Variants in RBFOX1 observed in about 807,000 individuals in gnomAD.
The protein encoded by RBFOX1 is RNA binding fox-1 homolog 1, also known as RNA binding protein fox-1 homolog 1.
RBFOX1 carries 8 observed loss-of-function variants against 57.7 expected under a neutral mutation model. The observed-to-expected ratio is 0.14, with a 90% CI of 0.08 to 0.25. RBFOX1 has a LOEUF of 0.25. Among genes scored for constraint, RBFOX1 ranks in the 10% least tolerant of loss-of-function variants. RBFOX1 has a pLI of 1.00. For missense variants in RBFOX1, 611 were observed against 548.5 expected (o/e 1.11, Z -1.14); for synonymous variants, 326 against 222.4 (o/e 1.47, Z -4.15).
chr16:7,042,890 C>T (rs1443100317), intron 3 of RBFOX1, among the ~76,000 whole-genome samples: 1 of 152,176 alleles, frequency 6.6e-6, no homozygotes, highest in Non-Finnish European at 1.5e-5. Context: ...TGCGCCACTG[C>T]ACTCCAGCCT....
At chr16:7,379,768 TCCTGCCTTCCGTCCTGCCTGCCTGCCTC>T (rs1005117158) in intron 4 of RBFOX1, among the ~76,000 whole-genome samples, 1 of 150,570 alleles carries the variant, frequency 6.6e-6, no homozygotes, top group African/African-American at 2.4e-5. Context: ...CTGCCTGCCT[TCCTGCCTTCCGTCCTGCCTGCCTGCCTC>T]CCTGCCTGCC....
chr16:7,222,950 T>C (rs1032463488), intron 4 of RBFOX1, among the ~76,000 whole-genome samples: 1 of 152,194 alleles, frequency 6.6e-6, no homozygotes, highest in African/African-American at 2.4e-5. Context: ...TTTTTTTTCT[T>C]TGAGCGTCCC....
At chr16:5,608,156 G>A (rs1397479411) in intron 3 of RBFOX1, among the ~76,000 whole-genome samples, 1 of 152,206 alleles carries the variant, frequency 6.6e-6, no homozygotes, top group Admixed American at 6.5e-5. Context: ...CCACTTGGAA[G>A]CTCATTGTCT....
intron 3 of RBFOX1, among the ~76,000 whole-genome samples, chr16:6,686,184 A>G (rs1315558341): frequency 6.6e-6 from 1 of 152,322 alleles, no homozygotes; most frequent in South Asian, 2.1e-4. Flanking sequence ...CCTTCGATGT[A>G]ATCAGACAGG....
chr16:5,739,311 G>A (rs961040687), intron 3 of RBFOX1, among the ~76,000 whole-genome samples: 10 of 152,212 alleles, frequency 6.6e-5, no homozygotes, highest in African/African-American at 2.2e-4. Context: ...TAACTGTTGT[G>A]CACCTATGGG....
chr16:5,263,204 A>T (rs1413237841), intron 1 of RBFOX1, among the ~76,000 whole-genome samples: 2 of 152,156 alleles, frequency 1.3e-5, no homozygotes, highest in Non-Finnish European at 2.9e-5. Flanking sequence ...AACTGCATGG[A>T]GGAGGTAGTT....
chr16:7,437,259 C>G (rs543980488), intron 4 of RBFOX1, among the ~76,000 whole-genome samples: 13 of 77,740 alleles, frequency 1.7e-4, no homozygotes, highest in Admixed American at 9.3e-4. Flanking sequence ...TGCCCCCCCC[C>G]CCTTTCTGTT....
intron 11 of RBFOX1, among the ~76,000 whole-genome samples, chr16:7,633,434 T>C (rs546029043): frequency 3.3e-5 from 5 of 152,238 alleles, no homozygotes; most frequent in Admixed American, 2.6e-4. Flanking sequence ...AATATGTTAA[T>C]GAACCCATAG....
At chr16:7,267,680 C>T (rs1290889163) in intron 4 of RBFOX1, among the ~76,000 whole-genome samples, 1 of 151,998 alleles carries the variant, frequency 6.6e-6, no homozygotes, top group East Asian at 1.9e-4. Context: ...CATGGCAAAA[C>T]CCCATCTTTA....
intron 4 of RBFOX1, among the ~76,000 whole-genome samples, chr16:7,058,205 G>A (rs1265940223): frequency 6.6e-6 from 1 of 152,028 alleles, no homozygotes; most frequent in Admixed American, 6.6e-5. Context: ...TTAAGAAAGG[G>A]GGAATCACTT....
intron 3 of RBFOX1, among the ~76,000 whole-genome samples, chr16:5,608,523 A>T (rs1596434959): frequency 6.6e-6 from 1 of 152,230 alleles, no homozygotes; most frequent in South Asian, 2.1e-4. Context: ...CTGTGCCTGT[A>T]ACTTTTCTCA....
chr16:6,137,141 A>C (rs757396039), intron 1 of RBFOX1, among the ~76,000 whole-genome samples: 8 of 152,214 alleles, frequency 5.3e-5, no homozygotes, highest in Non-Finnish European at 1.0e-4. Flanking sequence ...TAAATCTGTT[A>C]AAGCTTCCAC....
intron 3 of RBFOX1, among the ~76,000 whole-genome samples, chr16:6,806,836 A>ATATATATATATATTT (rs754342591): frequency 1.7e-3 from 154 of 91,828 alleles, no homozygotes; most frequent in Middle Eastern, 6.1e-3. Flanking sequence ...ATATATATAT[A>ATATATATATATATTT]TTTTTTTTTT....
chr16:7,463,622 A>C (rs909978561), intron 4 of RBFOX1, among the ~76,000 whole-genome samples: 5 of 152,176 alleles, frequency 3.3e-5, no homozygotes, highest in African/African-American at 1.2e-4. Flanking sequence ...TCACCATATG[A>C]ATTAGGGGTG....
At chr16:7,551,099 A>G (rs559137739) in intron 5 of RBFOX1, among the ~76,000 whole-genome samples, 2 of 151,006 alleles carry the variant, frequency 1.3e-5, no homozygotes, top group African/African-American at 2.4e-5. Context: ...AAAAAAAAAA[A>G]AAAAAAGAAA....
intron 2 of RBFOX1, among the ~76,000 whole-genome samples, chr16:5,540,344 GTATACTA>G (rs2044879347): frequency 6.6e-6 from 1 of 152,188 alleles, no homozygotes; most frequent in African/African-American, 2.4e-5. Context: ...GACAGATTAT[GTATACTA>G]TGAAATATGA....
intron 5 of RBFOX1, among the ~76,000 whole-genome samples, chr16:7,521,637 G>A (rs1212458484): frequency 1.3e-5 from 2 of 152,122 alleles, no homozygotes; most frequent in Non-Finnish European, 2.9e-5. Context: ...GGAGAATATA[G>A]GATTTGTTTT....
rs181036043 is a variant in RBFOX1, at chr16:7,086,681, C to T, written c.27+34583C>T. On this transcript the variant is annotated intron_variant, in intron 4 of 15. Coordinates refer to ENST00000550418, the MANE Select transcript of RBFOX1 (RefSeq NM_018723.4). ...AAGTTTTATGCCTGCTGCAAAATTT[C>T]CTAGGTCTGCGATTGCAAAGAGAGG... 3.2e-3 allele frequency among the ~76,000 whole-genome samples: 418 copies of T among 132,490 alleles called. 2 individuals are homozygous for T. Among genetic ancestry groups the T allele is most frequent in the African/African-American group, 0.011 (385 of 35,590 alleles). The allele number at this position is 132,490 out of a possible 152,430, so 86.9% of individuals were successfully genotyped here. A position where few individuals can be genotyped will look rare whatever the true frequency, so the allele number is the denominator to read the frequency against.
Position 6,669,835 on chromosome 16 carries a change from C to A in RBFOX1, c.-16+15185C>A, listed in dbSNP as rs183139941. Among the ~76,000 whole-genome samples the A allele has an allele frequency of 1.9e-4, 29 of 152,238 alleles. 1 individual carries two copies. The Middle Eastern group carries it at 0.01, about 54-fold the overall frequency. On this transcript the variant is annotated intron_variant, in intron 3 of 15. Transcript: ENST00000550418. ...GCACAGTAGAAAAGCAAATGCTCAC[C>A]ATGAGCCAGGCAGGCAGATCTGATG...
Sources: gnomAD v4.1 joint callset for allele counts (sites outside exome capture counted in the v4.1 genomes callset) on GRCh38, gnomAD v4.1.1 for gene constraint, MANE v1.5 for transcripts, NCBI Gene and HGNC (gene_info 2026-07-23, HGNC 2026-07-21) for gene names.